The following AGBL1 variants were observed in gnomAD, a reference collection of about 807,000 sequenced individuals.
The protein encoded by AGBL1 is cytosolic carboxypeptidase 4.
In AGBL1, 130 loss-of-function variants were observed where a neutral mutation model predicts 118.9. The observed-to-expected ratio is 1.09, with a 90% CI of 0.95 to 1.26. The LOEUF is 1.26. AGBL1 is among the 50% of genes most tolerant of loss of function. AGBL1 has a pLI of 0.00. For missense variants in AGBL1, 1,584 were observed against 1,298.1 expected (o/e 1.22, Z -3.38); for synonymous variants, 555 against 478.9 (o/e 1.16, Z -2.08).
At chr15:86,100,511 T>TTA (rs1018538202) in intron 1 of AGBL1, among the ~76,000 whole-genome samples, 5 of 152,010 alleles carry the variant, frequency 3.3e-5, no homozygotes, top group African/African-American at 1.2e-4. Context: ...AGACTTTTTT[T>TTA]TTATTATTAT....
In AGBL1 at chr15:87,005,021, ACT is replaced by A. The variant is rs907756859; in HGVS notation, c.3323+16936_3323+16937del. 4.3e-4 allele frequency among the ~76,000 whole-genome samples: 66 copies of A among 152,040 alleles called. 1 individual carries two copies. Among genetic ancestry groups the A allele is most frequent in the African/African-American group, 1.5e-3 (63 of 41,476 alleles). ...TTAAGAATGTTGAATATTGGCCCCCACTCTGTTCTGGCTTGTAGAGTTTCTGC... is the reference window on the plus strand; with the variant it reads ...TTAAGAATGTTGAATATTGGCCCCCACTGTTCTGGCTTGTAGAGTTTCTGC... On this transcript the variant is annotated intron_variant, in intron 24 of 24. Transcript: ENST00000441037.
chr15:86,672,196 T>C (rs941338500), intron 21 of AGBL1, among the ~76,000 whole-genome samples: 13 of 152,216 alleles, frequency 8.5e-5, no homozygotes, highest in African/African-American at 3.1e-4. Flanking sequence ...CTTGCCCAAG[T>C]CTCCACAGCC....
At chr15:86,942,179 G>A (rs886880843) in intron 23 of AGBL1, among the ~76,000 whole-genome samples, 6 of 152,142 alleles carry the variant, frequency 3.9e-5, no homozygotes, top group African/African-American at 1.4e-4. Flanking sequence ...ACACAGTGGT[G>A]TAACCAGAAT....
At chr15:86,261,781 T>C (rs1247867479) in intron 9 of AGBL1, among the ~76,000 whole-genome samples, 5 of 152,002 alleles carry the variant, frequency 3.3e-5, no homozygotes, top group Admixed American at 2.0e-4. Flanking sequence ...GGTTTCGAAA[T>C]GGTGATCTAT....
chr15:86,573,259 T>A (rs569622620), intron 21 of AGBL1, among the ~76,000 whole-genome samples: 5 of 152,360 alleles, frequency 3.3e-5, no homozygotes, highest in African/African-American at 7.2e-5. Context: ...GAAACGTTTT[T>A]CTTTTTAAAT....
intron 24 of AGBL1, among the ~76,000 whole-genome samples, chr15:87,008,057 CAACTT>C (rs1356760160): frequency 6.6e-6 from 1 of 152,150 alleles, no homozygotes; most frequent in Non-Finnish European, 1.5e-5. Flanking sequence ...TTTTAGGTGT[CAACTT>C]GACTGGATTA....
chr15:86,314,271 C>T (rs1210627537), intron 17 of AGBL1, among the ~76,000 whole-genome samples: 2 of 152,182 alleles, frequency 1.3e-5, no homozygotes, highest in African/African-American at 4.8e-5. Flanking sequence ...CACACCTAAA[C>T]CAGGATAGCC....
At chr15:86,655,533 A>T (rs897423088) in intron 21 of AGBL1, among the ~76,000 whole-genome samples, 3 of 152,006 alleles carry the variant, frequency 2.0e-5, no homozygotes, top group Admixed American at 6.6e-5. Context: ...TCTTCCCTCA[A>T]ATATTTGTAA....
At chr15:86,930,683 A>G (rs1428892752) in intron 23 of AGBL1, among the ~76,000 whole-genome samples, 1 of 152,188 alleles carries the variant, frequency 6.6e-6, no homozygotes, top group Non-Finnish European at 1.5e-5. Flanking sequence ...AAAAATGATA[A>G]AAAAGAAAAT....
chr15:86,150,341 T>C (rs2077091047), intron 3 of AGBL1, among the ~76,000 whole-genome samples: 1 of 152,176 alleles, frequency 6.6e-6, no homozygotes, highest in Non-Finnish European at 1.5e-5. Context: ...ATCCAGGACC[T>C]GTTTTTTTGA....
Position 86,619,428 on chromosome 15 carries a change from TGG to T in AGBL1, c.2995-54843_2995-54842del, listed in dbSNP as rs2142407069. On this transcript the variant is annotated intron_variant, in intron 21 of 22. Transcript: ENST00000614907. The stretch of plus-strand genomic sequence containing the variant: ...TCCTAAAACAAAATGAAAAGTTCAG[TGG>T]GAAATGATAAAGTTCAGATTTCATT... Among the ~76,000 whole-genome samples the T allele has an allele frequency of 6.6e-5, 10 of 152,328 alleles. No homozygotes were observed. In the South Asian group the frequency reaches 2.1e-3, roughly 32 times the overall value.
At chr15:86,977,102 A>C (rs570133043) in intron 23 of AGBL1, among the ~76,000 whole-genome samples, 1 of 151,974 alleles carries the variant, frequency 6.6e-6, no homozygotes, top group East Asian at 1.9e-4. Context: ...TGTGTTTTAC[A>C]TCTTATATAA....
At chr15:86,739,844 A>G (rs2077652582) in intron 22 of AGBL1, among the ~76,000 whole-genome samples, 1 of 152,190 alleles carries the variant, frequency 6.6e-6, no homozygotes, top group South Asian at 2.1e-4. Context: ...GTTTTGTGAC[A>G]CTAAGTTTAT....
At chr15:86,252,283 A>G (rs2078829148) in intron 7 of AGBL1, among the ~76,000 whole-genome samples, 1 of 152,224 alleles carries the variant, frequency 6.6e-6, no homozygotes, top group South Asian at 2.1e-4. Flanking sequence ...CAACAAGACC[A>G]ATGACCTCAG....
intron 24 of AGBL1, among the ~76,000 whole-genome samples, chr15:87,006,543 G>A (rs147420106): frequency 6.6e-6 from 1 of 152,154 alleles, no homozygotes; most frequent in Admixed American, 6.5e-5. Flanking sequence ...TATTGGAAAA[G>A]TGCAGTATTA....
intron 15 of AGBL1, among the ~76,000 whole-genome samples, chr15:86,275,549 T>G (rs1278784149): frequency 6.6e-6 from 1 of 152,226 alleles, no homozygotes; most frequent in Non-Finnish European, 1.5e-5. Flanking sequence ...ACAATGACTT[T>G]CCAGCATATT....
rs1328555960 is a variant in AGBL1 at position 86,881,625 on chromosome 15, G to A, written c.3159-25462G>A. Among the ~76,000 whole-genome samples the A allele has an allele frequency of 2.3e-4, 35 of 152,232 alleles. 1 individual carries two copies. Among genetic ancestry groups the A allele is most frequent in the Non-Finnish European group, 1.5e-5 (1 of 68,010 alleles). ...GCCAGGGGAGGAGGAAGATGGCAGAGGGGGTAGTGCTATTTATTTATTTAT... is the reference window on the plus strand; with the variant it reads ...GCCAGGGGAGGAGGAAGATGGCAGAAGGGGTAGTGCTATTTATTTATTTAT... On this transcript the variant is annotated intron_variant, in intron 22 of 22. Transcript: ENST00000614907.
intron 22 of AGBL1, among the ~76,000 whole-genome samples, chr15:86,838,659 G>C (rs1179450585): frequency 1.3e-5 from 2 of 151,998 alleles, no homozygotes; most frequent in Middle Eastern, 3.2e-3. Context: ...GAATACAGCA[G>C]CCAGGCATGG....
chr15:86,606,710 G>T, intron 21 of AGBL1, among the ~76,000 whole-genome samples: 1 of 152,284 alleles, frequency 6.6e-6, no homozygotes, highest in South Asian at 2.1e-4. Context: ...TGAACAGAAA[G>T]TAGAGGGTTC....
Sources: gnomAD v4.1 joint callset for allele counts (sites outside exome capture counted in the v4.1 genomes callset) on GRCh38, gnomAD v4.1.1 for gene constraint, MANE v1.5 for transcripts, NCBI Gene and HGNC (gene_info 2026-07-23, HGNC 2026-07-21) for gene names.